Variants in LRRK1 observed in about 807,000 individuals in gnomAD.
The protein encoded by LRRK1 is leucine rich repeat kinase 1, also known as leucine-rich repeat serine/threonine-protein kinase 1.
LRRK1 carries 113 observed loss-of-function variants against 209.1 expected under a neutral mutation model. The observed-to-expected ratio is 0.54, with a 90% CI of 0.46 to 0.63. The LOEUF (loss-of-function observed/expected upper bound fraction) is 0.63, where lower values mean the gene tolerates loss of function less well. Among genes scored for constraint, LRRK1 ranks in the 30% least tolerant of loss-of-function variants. The pLI is 0.00. For missense variants in LRRK1, 2,284 were observed against 2,632.2 expected, an observed-to-expected ratio of 0.87 and a Z score of 2.89; for synonymous variants, 1,144 against 1,099.7, an observed-to-expected ratio of 1.04 and a Z score of -0.80.
At chr15:100,937,938 C>T (rs2042332629) in intron 2 of LRRK1, among the ~76,000 whole-genome samples, 1 of 152,114 alleles carries the variant, frequency 6.6e-6, no homozygotes, top group African/African-American at 2.4e-5. Context: ...ACAGCCTTGA[C>T]AGCCTGGGCT....
intron 4 of LRRK1, among the ~76,000 whole-genome samples, chr15:100,986,103 G>T (rs1269630004): frequency 6.6e-6 from 1 of 152,212 alleles, no homozygotes; most frequent in South Asian, 2.1e-4. Flanking sequence ...GTACTTGGGA[G>T]GGTGAAGTGG....
chr15:100,980,480 G>T (rs758036409), intron 3 of LRRK1, among the ~76,000 whole-genome samples: 1 of 152,138 alleles, frequency 6.6e-6, no homozygotes, highest in Non-Finnish European at 1.5e-5. Flanking sequence ...GATGGAACAG[G>T]TGATGGAACA....
At chr15:101,034,457 C>T (rs1047751307) in intron 20 of LRRK1, among the ~76,000 whole-genome samples, 1 of 152,040 alleles carries the variant, frequency 6.6e-6, no homozygotes, top group Non-Finnish European at 1.5e-5. Flanking sequence ...GGTCTAGTTC[C>T]ATTCTTCTCC....
intron 6 of LRRK1, among the ~76,000 whole-genome samples, chr15:100,996,300 C>T (rs536164992): frequency 5.9e-5 from 9 of 152,360 alleles, no homozygotes; most frequent in African/African-American, 9.6e-5. Context: ...TAGGAGCCAA[C>T]GTGGGCACTG....
In LRRK1 at chr15:101,024,974, A is replaced by G; in HGVS notation, c.2232+7A>G. The G allele has an allele frequency of 1.2e-6, 2 of 1,611,088 alleles. No homozygotes were observed. The highest frequency in any genetic ancestry group is 2.2e-5 in the South Asian group (2 of 91,008). Reference sequence around the variant, plus strand: ...CTGGCTGCTCAACATCGAGGTGAGGACACCAGACGCCAGCCCTGCCATTTC... The same window carrying G: ...CTGGCTGCTCAACATCGAGGTGAGGGCACCAGACGCCAGCCCTGCCATTTC... On this transcript the variant is annotated splice_region_variant and intron_variant, in intron 16 of 33. Coordinates refer to ENST00000388948, the MANE Select transcript of LRRK1 (RefSeq NM_024652.6). This position sits in a 1 kb window ranked among gnomAD's most constrained non-coding sequence, Gnocchi z 4.6.
At chr15:101,050,898 C>G (rs1056177213) in intron 23 of LRRK1, 1 of 152,470 alleles carries the variant, frequency 6.6e-6, no homozygotes, top group African/African-American at 2.4e-5. Context: ...GTGAACCCTT[C>G]TGGGCACTTT....
intron 20 of LRRK1, among the ~76,000 whole-genome samples, chr15:101,033,709 A>G (rs1443317705): frequency 1.3e-5 from 2 of 152,106 alleles, no homozygotes; most frequent in Non-Finnish European, 1.5e-5. Context: ...GCTATTTTGA[A>G]TAGTGCTGCA....
chr15:101,012,627 A>AC (rs1255508503), intron 10 of LRRK1, among the ~76,000 whole-genome samples: 1 of 151,888 alleles, frequency 6.6e-6, no homozygotes, highest in Non-Finnish European at 1.5e-5. Context: ...CCTGTAGTGG[A>AC]CCCCCAGGCA....
chr15:101,052,780 C>T, intron 24 of LRRK1, 142 bp from the exon 25 acceptor site: 1 of 963,200 alleles, frequency 1.0e-6, no homozygotes. Flanking sequence ...CCACAAGTGG[C>T]AGGGCCGGGG....
Position 101,024,790 on chromosome 15 carries a change from G to T in LRRK1, c.2068-13G>T, listed in dbSNP as rs1471187754. On this transcript the variant is annotated splice_polypyrimidine_tract_variant and intron_variant, in intron 15 of 33. Transcript: ENST00000388948. This position sits in a 1 kb window ranked among gnomAD's most constrained non-coding sequence, Gnocchi z 4.6. ...TAAAATGCCTCCCTGTCGCTGCCTT[G>T]TTGCTCAAGTAGGTTGAGTCCGTGG... 3 of 1,605,392 alleles carry T rather than the reference G, an allele frequency of 1.9e-6. No individual in the cohort carries two copies. Among genetic ancestry groups the T allele is most frequent in the Non-Finnish European group, 2.6e-6 (3 of 1,173,022 alleles).
chr15:100,956,013 G>A (rs924283152), intron 2 of LRRK1, among the ~76,000 whole-genome samples: 1 of 152,098 alleles, frequency 6.6e-6, no homozygotes, highest in African/African-American at 2.4e-5. Flanking sequence ...AAACAAGTTC[G>A]AAAGTCTTTA....
At position 101,015,398 on chromosome 15, in the gene LRRK1, G is replaced by A. The variant is rs1013772472; in HGVS notation, c.1605G>A (p.Glu535=). The A allele has an allele frequency of 1.2e-6, 2 of 1,612,538 alleles. No homozygotes were observed. Among genetic ancestry groups the A allele is most frequent in the Non-Finnish European group, 1.7e-6 (2 of 1,179,088 alleles). Residue 535 remains glutamate (E), a synonymous_variant, in exon 12 of 34, where the codon GAG becomes GAA. Transcript: ENST00000388948. ...GAGGTCGCCAGCGCTCCGGGACTGA[G>A]GCAGGTGTGTGTGGGTTGGGAGACG... ...TTRGRQRSGT[E]AASVLEFPAF...
Position 101,065,997 on chromosome 15 carries a change from A to G in LRRK1, c.5560A>G (p.Arg1854Gly). 6.2e-7 allele frequency: 1 copy of G among 1,613,938 alleles called. No individual in the cohort carries two copies. The highest frequency in any genetic ancestry group is 8.5e-7 in the Non-Finnish European group (1 of 1,179,978). ...CTCATCCCCACCCCGCCAGGCTGCCAGGTCCCCCTCAAGCCTCCCCAGCTC... is the reference window on the plus strand; with the variant it reads ...CTCATCCCCACCCCGCCAGGCTGCCGGGTCCCCCTCAAGCCTCCCCAGCTC... Reference protein sequence around the residue: ...YSSSPPRQAARSPSSLPSSPA... With the variant: ...YSSSPPRQAAGSPSSLPSSPA... Residue 1854 changes from arginine to glycine, a missense_variant, in exon 32 of 34, where the codon AGG (arginine) becomes GGG (glycine). Arg to Gly is a moderately radical substitution (Grantham distance 125, BLOSUM62 -2). Transcript: ENST00000388948.
chr15:101,045,130 CGGGCCATGGGCTGTCACTG>C, intron 20 of LRRK1, among the ~76,000 whole-genome samples: 1 of 152,244 alleles, frequency 6.6e-6, no homozygotes, highest in Non-Finnish European at 1.5e-5. Flanking sequence ...CCTGTATGCT[CGGGCCATGGGCTGTCACTG>C]AATTTTCTTA....
At chr15:100,992,027 A>G (rs1310750473) in intron 6 of LRRK1, among the ~76,000 whole-genome samples, 2 of 152,198 alleles carry the variant, frequency 1.3e-5, no homozygotes, top group African/African-American at 4.8e-5. Context: ...TTGAACTCCT[A>G]TTATAAATGC....
chr15:100,955,718 TG>T (rs34747710), intron 2 of LRRK1, among the ~76,000 whole-genome samples: 136,859 of 151,696 alleles, frequency 0.9, 61,837 homozygotes, highest in East Asian at 0.99. Context: ...TTTTTACTAA[TG>T]TTTTTTTCTG....
chr15:100,955,719 GT>G (rs1342491426), intron 2 of LRRK1, among the ~76,000 whole-genome samples: 1 of 1,760 alleles, frequency 5.7e-4, no homozygotes, highest in Non-Finnish European at 2.9e-3. Context: ...TTTTACTAAT[GT>G]TTTTTTCTGC....
At position 100,924,658 on chromosome 15, in the gene LRRK1, C is replaced by T. The variant is rs950488806; in HGVS notation, c.26C>T (p.Pro9Leu). The part of the protein sequence containing the change: MAGMSQRP[P>L]SMYWCVGPEE... ...ATGGCTGGCATGTCGCAAAGACCCC[C>T]CAGCATGTACTGGTGTGTGGGGCCG... Residue 9 changes from proline (P) to leucine (L), a missense_variant, in exon 2 of 34, where the codon CCC (proline) becomes CTC (leucine). Transcript: ENST00000388948. 1 of 1,614,162 alleles carries T rather than the reference C, an allele frequency of 6.2e-7. No individual in the cohort carries two copies. The highest frequency in any genetic ancestry group is 1.7e-5 in the Admixed American group (1 of 60,022).
intron 21 of LRRK1, among the ~76,000 whole-genome samples, chr15:101,047,251 A>T (rs11636169): frequency 0.26 from 39,903 of 152,240 alleles, 5,939 homozygotes; most frequent in Middle Eastern, 0.36. Context: ...TAAGAAAAAA[A>T]TCAATGCAAA....
Sources: allele counts gnomAD v4.1 joint callset (sites outside exome capture counted in the v4.1 genomes callset), GRCh38; gene constraint gnomAD v4.1.1; non-coding constraint Gnocchi (gnomAD v3.1); transcripts MANE v1.5; gene names NCBI Gene and HGNC (gene_info 2026-07-23, HGNC 2026-07-21).